The following TNFRSF10C variants were observed in gnomAD, a reference collection of about 807,000 sequenced individuals.
The protein encoded by TNFRSF10C is tumor necrosis factor receptor superfamily member 10C.
Under a neutral mutation model 16.7 loss-of-function variants are expected in TNFRSF10C, and 17 were observed. The ratio of observed to expected loss-of-function variants is 1.02; its 90% CI spans 0.70 to 1.53. The LOEUF (loss-of-function observed/expected upper bound fraction) is 1.53. Among genes scored for constraint, TNFRSF10C ranks in the 40% most tolerant of loss-of-function variants. The probability of loss-of-function intolerance (pLI) is 0.00; values close to 1 mark genes in which losing one functional copy is unlikely to be tolerated. For missense variants in TNFRSF10C, 237 were observed against 329.7 expected (o/e 0.72, Z 2.18); for synonymous variants, 73 against 119.7 (o/e 0.61, Z 2.55).
intron 1 of TNFRSF10C, among the ~76,000 whole-genome samples, chr8:23,106,949 T>G (rs373836888): frequency 9.3e-5 from 14 of 150,796 alleles, no homozygotes; most frequent in African/African-American, 3.2e-4. Context: ...AAAAGGAGAT[T>G]GTCCTATGTT....
At chr8:23,105,705 G>A (rs1327432077) in intron 1 of TNFRSF10C, among the ~76,000 whole-genome samples, 1 of 152,220 alleles carries the variant, frequency 6.6e-6, no homozygotes, top group Non-Finnish European at 1.5e-5. Context: ...GTGTATCCAG[G>A]AGTGGCAGGG....
intron 1 of TNFRSF10C, among the ~76,000 whole-genome samples, chr8:23,109,360 G>T (rs146389675): frequency 5.9e-5 from 9 of 152,092 alleles, no homozygotes; most frequent in Admixed American, 3.9e-4. Context: ...ATTATGGGCC[G>T]GGCACGGTGG....
chr8:23,102,929 A>C lies in TNFRSF10C; in HGVS notation c.-193A>C. 1 of 1,473,488 alleles carries C rather than the reference A, an allele frequency of 6.8e-7. No individual in the cohort carries two copies. The highest frequency in any genetic ancestry group is 9.0e-7 in the Non-Finnish European group (1 of 1,107,364). The allele number at this position is 1,473,488 out of a possible 1,614,324, so 91.3% of individuals were successfully genotyped here. On this transcript the variant is annotated 5_prime_UTR_variant, in exon 1 of 5. Coordinates refer to ENST00000356864, the MANE Select transcript of TNFRSF10C (RefSeq NM_003841.5). ...CGCTGCGCTCCGATTCTGGCAGTGC[A>C]GCTGTGGGAACCTCTCCACGCGCAC...
chr8:23,111,974 G>C, intron 2 of TNFRSF10C, 149 bp downstream of exon 2: 1 of 871,880 alleles, frequency 1.1e-6, no homozygotes, highest in East Asian at 2.8e-5. Flanking sequence ...ATGTATTCGT[G>C]GTAAGAACAC....
intron 3 of TNFRSF10C, among the ~76,000 whole-genome samples, 161 bp from the exon 4 acceptor site, chr8:23,115,347 G>C (rs947445557): frequency 3.3e-5 from 5 of 152,122 alleles, no homozygotes; most frequent in African/African-American, 1.2e-4. Context: ...ACAGCTGAAG[G>C]GTGGGTGTCC....
In TNFRSF10C at chr8:23,102,957, A is replaced by T; in HGVS notation, c.-165A>T. The stretch of plus-strand genomic sequence containing the variant: ...TGTGGGAACCTCTCCACGCGCACGA[A>T]CTCAGCCAACGATTTCTGATAGATT... On this transcript the variant is annotated 5_prime_UTR_variant, in exon 1 of 5. Coordinates refer to ENST00000356864, the MANE Select transcript of TNFRSF10C (RefSeq NM_003841.5). 6.6e-7 allele frequency: 1 copy of T among 1,510,206 alleles called. No homozygotes were observed. The highest frequency in any genetic ancestry group is 1.3e-5 in the South Asian group (1 of 79,902). 93.6% of individuals were successfully genotyped at this position (1,510,206 alleles called of 1,614,324 possible).
At chr8:23,114,538 G>T in intron 2 of TNFRSF10C, 119 bp from the exon 3 acceptor site, 1 of 747,838 alleles carries the variant, frequency 1.3e-6, no homozygotes, top group Non-Finnish European at 2.3e-6. Context: ...GACCAAGCCT[G>T]GAAGAGTGGA....
intron 1 of TNFRSF10C, among the ~76,000 whole-genome samples, chr8:23,106,269 T>C (rs4620285): frequency 0.17 from 25,237 of 152,072 alleles, 2,405 homozygotes; most frequent in East Asian, 0.27. Flanking sequence ...TCACTACCCT[T>C]GCCTCCCCCT....
At chr8:23,112,970 A>ATC (rs1813907897) in intron 2 of TNFRSF10C, among the ~76,000 whole-genome samples, 2 of 151,602 alleles carry the variant, frequency 1.3e-5, no homozygotes, top group Admixed American at 6.6e-5. Context: ...CCCCATCATC[A>ATC]ACACTTGTTA....
intron 2 of TNFRSF10C, among the ~76,000 whole-genome samples, chr8:23,113,124 G>A (rs927997152): frequency 5.9e-5 from 9 of 152,038 alleles, no homozygotes; most frequent in Non-Finnish European, 8.8e-5. Flanking sequence ...CAGGTCCCAC[G>A]CCCATGTATC....
chr8:23,117,279 T>TG lies in TNFRSF10C; in HGVS notation c.*253dup. 1 of 595,580 alleles carries TG rather than the reference T, an allele frequency of 1.7e-6. No homozygotes were observed. The allele number at this position is 595,580 out of a possible 1,614,324, so 36.9% of individuals were successfully genotyped here. On this transcript the variant is annotated 3_prime_UTR_variant, in exon 5 of 5. Transcript: ENST00000356864. The stretch of plus-strand genomic sequence containing the variant: ...GTCTCATCAGTCCCTCTCCTGGAGC[T>TG]GGGGGTCCACACATCTCCCAGCCAA...
At position 23,115,596 on chromosome 8, in the gene TNFRSF10C, G is replaced by C; in HGVS notation, c.369G>C (p.Glu123Asp). The change falls in exon 4 of 5, where the codon GAG becomes GAC. Residue 123 changes from glutamate (E) to aspartate (D), a missense_variant. Physicochemically the swap from Glu to Asp is conservative, Grantham distance 45. This residue lies in a region of TNFRSF10C where 212 missense variants were observed against 196.8 expected (regional missense o/e 1.08). Transcript: ENST00000356864. ...CCTTCCGGAATGAAAACTCCCCAGAGATGTGCCGGAAGTGTAGCAGGTGAG... is the reference window on the plus strand; with the variant it reads ...CCTTCCGGAATGAAAACTCCCCAGACATGTGCCGGAAGTGTAGCAGGTGAG... ...EGTFRNENSP[E>D]MCRKCSRCPS... 1 of 1,613,802 alleles carries C rather than the reference G, an allele frequency of 6.2e-7. No homozygotes were observed.
At chr8:23,111,570 C>A in intron 1 of TNFRSF10C, 150 bp from the exon 2 acceptor site, 1 of 658,844 alleles carries the variant, frequency 1.5e-6, no homozygotes, top group Non-Finnish European at 2.7e-6. Flanking sequence ...AAGGGACAAA[C>A]ACAGGTATGA....
Position 23,111,712 on chromosome 8 carries a change from C to G in TNFRSF10C, c.61-8C>G. 1 of 1,612,320 alleles carries G rather than the reference C, an allele frequency of 6.2e-7. No individual in the cohort carries two copies. Among genetic ancestry groups the G allele is most frequent in the Non-Finnish European group, 8.5e-7 (1 of 1,178,874 alleles). ...TCACTCACACCCATCACTCCTTTGT[C>G]CCCACAGGTCCTAGCTTACTCTGCC... On this transcript the variant is annotated splice_region_variant and splice_polypyrimidine_tract_variant and intron_variant, in intron 1 of 4. Coordinates refer to ENST00000356864, the MANE Select transcript of TNFRSF10C (RefSeq NM_003841.5).
chr8:23,108,336 A>G (rs1016386942), intron 1 of TNFRSF10C, among the ~76,000 whole-genome samples: 1 of 152,168 alleles, frequency 6.6e-6, no homozygotes, highest in Non-Finnish European at 1.5e-5. Context: ...CACTCCTGAA[A>G]TCTTATTGGG....
intron 3 of TNFRSF10C, 80 bp from the exon 4 acceptor site, chr8:23,115,428 G>A (rs950804681): frequency 8.1e-7 from 1 of 1,233,034 alleles, no homozygotes; most frequent in East Asian, 2.4e-5. Flanking sequence ...GTTGAGCTGA[G>A]TGGGAGGGGG....
chr8:23,114,853 C>A (rs1293025192), intron 3 of TNFRSF10C, 83 bp downstream of exon 3: 2 of 1,144,718 alleles, frequency 1.7e-6, no homozygotes, highest in Non-Finnish European at 1.3e-6. Flanking sequence ...GTCAGGGAAC[C>A]AAGTTCCAGC....
Position 23,117,442 on chromosome 8 carries a change from G to T in TNFRSF10C, c.*411G>T. The T allele has an allele frequency of 4.3e-6, 1 of 231,022 alleles. No homozygotes were observed. The highest frequency in any genetic ancestry group is 8.5e-6 in the Non-Finnish European group (1 of 117,012). The allele number at this position is 231,022 out of a possible 1,614,324, so 14.3% of individuals were successfully genotyped here. ...TCAGCCTTGGTCAGAGCAGAACACA[G>T]AGATTTTCCGTGTGTTGGTTTTTAC... On this transcript the variant is annotated 3_prime_UTR_variant, in exon 5 of 5. Coordinates refer to ENST00000356864, the MANE Select transcript of TNFRSF10C (RefSeq NM_003841.5).
intron 4 of TNFRSF10C, among the ~76,000 whole-genome samples, chr8:23,116,259 G>C (rs1813980479): frequency 6.6e-6 from 1 of 152,230 alleles, no homozygotes; most frequent in African/African-American, 2.4e-5. Flanking sequence ...GGAACCAGCA[G>C]ACAGTTGGGG....
Sources: gnomAD v4.1 joint callset for allele counts (sites outside exome capture counted in the v4.1 genomes callset) on GRCh38, gnomAD v4.1.1 for gene constraint, gnomAD v4.1.1 regional missense constraint, MANE v1.5 for transcripts, NCBI Gene and HGNC (gene_info 2026-07-23, HGNC 2026-07-21) for gene names.